The following NDRG3 variants were observed in gnomAD, a reference collection of about 807,000 sequenced individuals.
The protein encoded by NDRG3 is protein NDRG3.
Under a neutral mutation model 57.2 loss-of-function variants are expected in NDRG3, and 23 were observed. That is an observed-to-expected ratio of 0.40 (90% confidence interval 0.29 to 0.57). The LOEUF is 0.57. Among genes scored for constraint, NDRG3 ranks in the 20% least tolerant of loss-of-function variants. The pLI, the probability that NDRG3 is intolerant of heterozygous loss-of-function variation, is 0.42. For synonymous variants in NDRG3, 132 were observed against 162.6 expected (o/e 0.81, Z 1.43); for missense variants, 384 against 457.3 (o/e 0.84, Z 1.46).
At chr20:36,674,884 AGATTTT>A (rs1382128581) in intron 8 of NDRG3, among the ~76,000 whole-genome samples, 42 of 112,724 alleles carry the variant, frequency 3.7e-4, no homozygotes, top group African/African-American at 1.4e-3. Flanking sequence ...ATGCCCAGCC[AGATTTT>A]TTTTTTTTTT....
At chr20:36,695,157 C>G (rs963887386) in intron 3 of NDRG3, among the ~76,000 whole-genome samples, 1 of 152,154 alleles carries the variant, frequency 6.6e-6, no homozygotes, top group Non-Finnish European at 1.5e-5. Flanking sequence ...ATCACTTCCC[C>G]AATCAATACT....
Position 36,653,688 on chromosome 20 carries a change from G to T in NDRG3, c.960C>A (p.Ser320Arg). The T allele has an allele frequency of 1.2e-6, 2 of 1,613,486 alleles. No homozygotes were observed. Among genetic ancestry groups the T allele is most frequent in the Non-Finnish European group, 8.5e-7 (1 of 1,180,010 alleles). Residue 320 changes from serine to arginine, a missense_variant, in exon 16 of 16, where the codon AGC becomes AGA. Coordinates refer to ENST00000349004, the MANE Select transcript of NDRG3 (RefSeq NM_032013.4). The surrounding 1 kb of genome is among the most constrained non-coding windows in gnomAD (Gnocchi z 4.2). The part of the protein sequence containing the change: ...LQGMGYIPSA[S>R]MTRLARSRTH... ...TTCGTGATCGGGCGAGCCGAGTCATGCTGGCAGATGGTACTGTAACAGAGA... is the reference window on the plus strand; with the variant it reads ...TTCGTGATCGGGCGAGCCGAGTCATTCTGGCAGATGGTACTGTAACAGAGA...
At position 36,744,971 on chromosome 20, in the gene NDRG3, G is replaced by GT. The variant is rs1200225180; in HGVS notation, c.-49+1073_-49+1074insA. 1.9e-3 allele frequency among the ~76,000 whole-genome samples: 290 copies of GT among 151,428 alleles called. 3 individuals carry two copies. Among genetic ancestry groups the GT allele is most frequent in the African/African-American group, 6.2e-3 (257 of 41,298 alleles). The stretch of plus-strand genomic sequence containing the variant: ...TATCCCCTGAGGGCCAGGGTAAGGG[G>GT]GGGGGGGGGCGCGGCGGGGGTGATC... On this transcript the variant is annotated intron_variant, in intron 1 of 15. Transcript: ENST00000349004.
chr20:36,694,792 C>T lies in NDRG3; in HGVS notation c.94-6008G>A, dbSNP rs147754943. 6.5e-3 allele frequency among the ~76,000 whole-genome samples: 996 copies of T among 152,154 alleles called. 9 individuals are homozygous for T. The highest frequency in any genetic ancestry group is 0.022 in the African/African-American group (904 of 41,484). ...TTATTTTTTGAGACAGGGTCTCATT[C>T]TGTCACCCAGGCTGGAGTACAGTAG... On this transcript the variant is annotated intron_variant, in intron 3 of 15. Coordinates refer to ENST00000349004, the MANE Select transcript of NDRG3 (RefSeq NM_032013.4).
intron 2 of NDRG3, among the ~76,000 whole-genome samples, chr20:36,720,671 G>A (rs552378493): frequency 1.2e-4 from 18 of 152,170 alleles, no homozygotes; most frequent in African/African-American, 3.4e-4. Flanking sequence ...TGCAGCCTAC[G>A]CACATCACCA....
chr20:36,664,779 T>G (rs1331428582), intron 12 of NDRG3, among the ~76,000 whole-genome samples: 1 of 152,048 alleles, frequency 6.6e-6, no homozygotes, highest in Non-Finnish European at 1.5e-5. Context: ...AGCCTTGACC[T>G]CCTGAGCTCA....
intron 1 of NDRG3, among the ~76,000 whole-genome samples, chr20:36,736,169 C>G (rs933458748): frequency 6.6e-6 from 1 of 152,108 alleles, no homozygotes; most frequent in African/African-American, 2.4e-5. Context: ...TTGTTTAAAA[C>G]TTGGTCATGT....
intron 6 of NDRG3, among the ~76,000 whole-genome samples, chr20:36,683,013 C>T (rs540864042): frequency 5.9e-5 from 9 of 151,764 alleles, no homozygotes; most frequent in Non-Finnish European, 8.8e-5. Flanking sequence ...GAGGCCGAGG[C>T]GAGCGGATCA....
At chr20:36,715,025 T>TATATATAC (rs1247136827) in intron 2 of NDRG3, among the ~76,000 whole-genome samples, 1 of 103,650 alleles carries the variant, frequency 9.6e-6, no homozygotes. Context: ...TATATATATA[T>TATATATAC]ATATATATAT....
At chr20:36,712,589 T>TATATA (rs1600940687) in intron 2 of NDRG3, among the ~76,000 whole-genome samples, 3 of 19,864 alleles carry the variant, frequency 1.5e-4, no homozygotes, top group African/African-American at 2.4e-4. Flanking sequence ...ATATATATAT[T>TATATA]TTTTTTTTTT....
chr20:36,745,391 A>G (rs988825131), intron 1 of NDRG3, among the ~76,000 whole-genome samples: 2 of 152,164 alleles, frequency 1.3e-5, no homozygotes, highest in Non-Finnish European at 2.9e-5. Context: ...AATTTTTTCA[A>G]AGGTACGAGA....
intron 3 of NDRG3, among the ~76,000 whole-genome samples, chr20:36,693,721 T>C (rs918688201): frequency 9.2e-5 from 14 of 151,726 alleles, no homozygotes; most frequent in Non-Finnish European, 2.1e-4. Context: ...TGTGTGCTCC[T>C]TATGAGAATC....
At chr20:36,720,768 CTTTTCTTTTTTT>C (rs1984543554) in intron 2 of NDRG3, among the ~76,000 whole-genome samples, 1 of 150,372 alleles carries the variant, frequency 6.7e-6, no homozygotes, top group Admixed American at 6.7e-5. Flanking sequence ...CTTCTTTTTT[CTTTTCTTTTTTT>C]TTTTTTTTGA....
intron 12 of NDRG3, 61 bp from the exon 13 acceptor site, chr20:36,660,445 A>G: frequency 7.9e-7 from 1 of 1,272,180 alleles, no homozygotes; most frequent in East Asian, 2.4e-5. Flanking sequence ...AAAACGAAAT[A>G]GCTCGGTATG....
intron 8 of NDRG3, among the ~76,000 whole-genome samples, chr20:36,676,435 T>C (rs1980713287): frequency 6.6e-6 from 1 of 152,164 alleles, no homozygotes; most frequent in Non-Finnish European, 1.5e-5. Context: ...TTTTCTAACC[T>C]AAAAAGTGTT....
intron 2 of NDRG3, among the ~76,000 whole-genome samples, chr20:36,714,476 T>C (rs1432944921): frequency 5.3e-5 from 8 of 149,760 alleles, no homozygotes; most frequent in Non-Finnish European, 1.2e-4. Context: ...AGTTTCGCTC[T>C]TGTTGCCCAG....
chr20:36,715,525 A>G (rs1984222431), intron 2 of NDRG3, among the ~76,000 whole-genome samples: 1 of 150,048 alleles, frequency 6.7e-6, no homozygotes, highest in South Asian at 2.1e-4. Flanking sequence ...TTTTTTTTTA[A>G]ACAACCTTGG....
intron 7 of NDRG3, among the ~76,000 whole-genome samples, 172 bp downstream of exon 7, chr20:36,682,346 G>C (rs1723392017): frequency 1.3e-5 from 2 of 152,096 alleles, no homozygotes; most frequent in Non-Finnish European, 2.9e-5. Flanking sequence ...TGATTTTTCA[G>C]GTATTGTTAA....
At chr20:36,715,042 A>G (rs1473003352) in intron 2 of NDRG3, among the ~76,000 whole-genome samples, 2 of 116,352 alleles carry the variant, frequency 1.7e-5, no homozygotes, top group Non-Finnish European at 3.4e-5. Flanking sequence ...ATATATATAT[A>G]TATATATATA....
Sources: gnomAD v4.1 joint callset for allele counts (sites outside exome capture counted in the v4.1 genomes callset) on GRCh38, gnomAD v4.1.1 for gene constraint, Gnocchi (gnomAD v3.1) non-coding constraint, MANE v1.5 for transcripts, NCBI Gene and HGNC (gene_info 2026-07-23, HGNC 2026-07-21) for gene names.